DNAH8: variants seen among roughly 807,000 people sequenced by gnomAD.
DNAH8 encodes dynein axonemal heavy chain 8, also known as axonemal beta dynein heavy chain 8.
In DNAH8, 382 loss-of-function variants were observed where a neutral mutation model predicts 562.1. The observed-to-expected ratio is 0.68, with a 90% CI of 0.63 to 0.74. DNAH8 has a LOEUF of 0.74. DNAH8 is among the 30% of genes least tolerant of loss of function. The pLI is 0.00. For missense variants in DNAH8, 5,203 were observed against 5,620.4 expected (o/e 0.93, Z 2.37); for synonymous variants, 1,881 against 1,919.4 (o/e 0.98, Z 0.52).
chr6:38,742,020 A>G, intron 8 of DNAH8, 133 bp downstream of exon 8: 1 of 633,002 alleles, frequency 1.6e-6, no homozygotes, highest in South Asian at 4.5e-5. Flanking sequence ...AGGCTTTTAC[A>G]TATATCACAG....
In DNAH8 at chr6:38,823,020, G is replaced by C. The variant is rs201420305; in HGVS notation, c.3706G>C (p.Asp1236His). The C allele has an allele frequency of 2.6e-4, 406 of 1,574,572 alleles. No homozygotes were observed. The highest frequency in any genetic ancestry group is 3.4e-4 in the Non-Finnish European group (393 of 1,166,876). ...CAAGACTCTCTGGACAGAGGACCGC[G>C]ATGTGAAAGTGAAGGTGTCTTTCTG... ...KYKTLWTEDRDVKVKEFLANN... is the reference protein window; with the variant it reads ...KYKTLWTEDRHVKVKEFLANN... Residue 1236 changes from aspartate (D) to histidine (H), a missense_variant, in exon 27 of 93, where the codon GAT (aspartate) becomes CAT (histidine). Asp to His is a moderately conservative substitution (Grantham distance 81). Transcript: ENST00000327475.
chr6:39,017,586 G>A (rs948954668), intron 91 of DNAH8, among the ~76,000 whole-genome samples: 1 of 152,100 alleles, frequency 6.6e-6, no homozygotes, highest in African/African-American at 2.4e-5. Context: ...CGAACGTTTA[G>A]CTCAATCTGG....
At chr6:38,986,433 G>A (rs896605581) in intron 87 of DNAH8, among the ~76,000 whole-genome samples, 1 of 152,284 alleles carries the variant, frequency 6.6e-6, no homozygotes, top group South Asian at 2.1e-4. Context: ...CACTTAAATA[G>A]ATGCCCTCAG....
chr6:38,917,525 T>G (rs1781399652), intron 69 of DNAH8, 119 bp downstream of exon 69: 1 of 849,708 alleles, frequency 1.2e-6, no homozygotes, highest in Non-Finnish European at 1.8e-6. Context: ...ATTGAAAAGT[T>G]TATCTTAAAC....
At chr6:39,025,856 G>T (rs1767238828) in intron 91 of DNAH8, among the ~76,000 whole-genome samples, 1 of 103,274 alleles carries the variant, frequency 9.7e-6, no homozygotes, top group South Asian at 3.0e-4. Context: ...TGAAGTTTAG[G>T]ATATTTTTTT....
At chr6:38,905,484 G>A (rs1212035457) in intron 62 of DNAH8, among the ~76,000 whole-genome samples, 2 of 152,108 alleles carry the variant, frequency 1.3e-5, no homozygotes, top group South Asian at 2.1e-4. Context: ...CACTTAATGA[G>A]CTGTGCAAAT....
At chr6:38,719,880 G>C (rs139679108) in intron 1 of DNAH8, among the ~76,000 whole-genome samples, 34 of 152,288 alleles carry the variant, frequency 2.2e-4, no homozygotes, top group Non-Finnish European at 4.9e-4. Flanking sequence ...CAAAATGGTG[G>C]CACAGAAGCA....
At chr6:38,831,984 T>C (rs1156385655) in intron 30 of DNAH8, among the ~76,000 whole-genome samples, 2 of 152,162 alleles carry the variant, frequency 1.3e-5, no homozygotes, top group Non-Finnish European at 2.9e-5. Context: ...GTGACCTTAT[T>C]AGAGATTGCT....
intron 60 of DNAH8, among the ~76,000 whole-genome samples, chr6:38,897,990 T>C (rs1036612814): frequency 7.2e-5 from 11 of 152,194 alleles, no homozygotes; most frequent in Non-Finnish European, 1.6e-4. Context: ...ATTTCCTATA[T>C]TAATGTGTTA....
At chr6:38,991,578 G>A (rs2150734168) in intron 88 of DNAH8, among the ~76,000 whole-genome samples, 1 of 152,252 alleles carries the variant, frequency 6.6e-6, no homozygotes, top group South Asian at 2.1e-4. Flanking sequence ...CTGAGACAAG[G>A]TCAAAGACCG....
At chr6:38,999,561 C>T (rs1180280873) in intron 88 of DNAH8, among the ~76,000 whole-genome samples, 1 of 152,028 alleles carries the variant, frequency 6.6e-6, no homozygotes, top group African/African-American at 2.4e-5. Flanking sequence ...TTATATCTTT[C>T]TGATTCTCCT....
intron 88 of DNAH8, among the ~76,000 whole-genome samples, chr6:39,002,653 A>G (rs1245087477): frequency 1.3e-5 from 2 of 152,242 alleles, no homozygotes; most frequent in African/African-American, 2.4e-5. Context: ...CAACATCTGA[A>G]TAGAGGTTGC....
At chr6:38,975,748 C>T (rs1303042547) in intron 85 of DNAH8, among the ~76,000 whole-genome samples, 1 of 152,178 alleles carries the variant, frequency 6.6e-6, no homozygotes, top group Non-Finnish European at 1.5e-5. Context: ...GGGAATTGTT[C>T]GCTTTGCTAG....
Position 39,000,858 on chromosome 6 carries a change from C to T in DNAH8, c.13215-7956C>T, listed in dbSNP as rs563308684. Reference sequence around the variant, plus strand: ...CCCTGGTGCCAAAAAGGTTGGGAACCGCTGTCTTAAAGGATGTGCAGGAGT... The same window carrying T: ...CCCTGGTGCCAAAAAGGTTGGGAACTGCTGTCTTAAAGGATGTGCAGGAGT... On this transcript the variant is annotated intron_variant, in intron 88 of 92. Coordinates refer to ENST00000327475, the MANE Select transcript of DNAH8 (RefSeq NM_001206927.2). Among the ~76,000 whole-genome samples, 168 of 152,258 alleles carry T rather than the reference C, an allele frequency of 1.1e-3. 2 individuals carry two copies. The highest frequency in any genetic ancestry group is 1.9e-3 in the Non-Finnish European group (127 of 68,016).
intron 62 of DNAH8, among the ~76,000 whole-genome samples, chr6:38,900,848 C>A (rs1283238654): frequency 6.6e-6 from 1 of 152,128 alleles, no homozygotes; most frequent in Non-Finnish European, 1.5e-5. Flanking sequence ...AACTCCTGAC[C>A]TCAAGTGATC....
In DNAH8 at chr6:38,734,461, CT is replaced by C; in HGVS notation, c.611-9del. On this transcript the variant is annotated splice_polypyrimidine_tract_variant and intron_variant, in intron 4 of 92. Coordinates refer to ENST00000327475, the MANE Select transcript of DNAH8 (RefSeq NM_001206927.2). ...GTGTGATTATACGCTAAGTTCTTGA[CT>C]TTTGTTTTCAGAATGTGGTCGAACT... 1 of 1,612,270 alleles carries C rather than the reference CT, an allele frequency of 6.2e-7. No individual in the cohort carries two copies. Among genetic ancestry groups the C allele is most frequent in the South Asian group, 1.1e-5 (1 of 90,964 alleles).
Position 38,874,068 on chromosome 6 carries a change from T to TTCTTTCTTTCTTTCTTTCTTTTTCTTTC in DNAH8, c.7620+693_7620+694insCTTTCTTTCTTTCTTTCTTTTTCTTTCT, listed in dbSNP as rs377254876. On this transcript the variant is annotated intron_variant, in intron 52 of 92. Transcript: ENST00000327475. ...TTTCTTTCTTTCTTTCTTTCTTTCT[T>TTCTTTCTTTCTTTCTTTCTTTTTCTTTC]TTTCTTTCTTTCTTTCTTTCTTTCT... Among the ~76,000 whole-genome samples, 4 of 57,062 alleles carry TTCTTTCTTTCTTTCTTTCTTTTTCTTTC rather than the reference T, an allele frequency of 7.0e-5. 2 individuals carry two copies. The highest frequency in any genetic ancestry group is 1.4e-3 in the South Asian group (2 of 1,406). The allele number at this position is 57,062 out of a possible 152,430, so 37.4% of individuals were successfully genotyped here.
chr6:39,016,027 G>A (rs1471675345), intron 91 of DNAH8, among the ~76,000 whole-genome samples: 2 of 152,088 alleles, frequency 1.3e-5, no homozygotes, highest in African/African-American at 4.8e-5. Context: ...CACCTCACTT[G>A]GCCAAATCTG....
intron 11 of DNAH8, 114 bp downstream of exon 11, chr6:38,761,917 G>A (rs756461937): frequency 7.6e-6 from 4 of 528,310 alleles, no homozygotes; most frequent in African/African-American, 4.1e-5. Flanking sequence ...GAGTAGTGTT[G>A]AGAATATAAA....
Sources: gnomAD v4.1 joint callset for allele counts (sites outside exome capture counted in the v4.1 genomes callset) on GRCh38, gnomAD v4.1.1 for gene constraint, MANE v1.5 for transcripts, NCBI Gene and HGNC (gene_info 2026-07-23, HGNC 2026-07-21) for gene names.